The following GIGYF2 variants were observed in gnomAD, a reference collection of about 807,000 sequenced individuals.
The protein encoded by GIGYF2 is GRB10 interacting GYF protein 2, also known as GRB10-interacting GYF protein 2.
GIGYF2 carries 25 observed loss-of-function variants against 208.1 expected under a neutral mutation model. The observed-to-expected ratio is 0.12, with a 90% CI of 0.09 to 0.17. GIGYF2 has a LOEUF of 0.17. GIGYF2 is among the 10% of genes least tolerant of loss of function. GIGYF2 has a pLI of 1.00. For synonymous variants in GIGYF2, 534 were observed against 543.8 expected, an observed-to-expected ratio of 0.98 and a Z score of 0.25; for missense variants, 1,302 against 1,579.4, an observed-to-expected ratio of 0.82 and a Z score of 2.98.
chr2:232,750,480 C>T (rs371987945), intron 5 of GIGYF2, among the ~76,000 whole-genome samples: 2 of 152,088 alleles, frequency 1.3e-5, no homozygotes, highest in Admixed American at 6.5e-5. Context: ...ATATATTTTC[C>T]GCCTTTTAAT....
intron 8 of GIGYF2, among the ~76,000 whole-genome samples, chr2:232,784,961 A>AT (rs1300718032): frequency 6.6e-6 from 1 of 152,044 alleles, no homozygotes; most frequent in Non-Finnish European, 1.5e-5. Flanking sequence ...ACCATGTGAC[A>AT]TACTTGCTCT....
rs562256539 is a variant in GIGYF2 at position 232,859,641 on chromosome 2, T to C, written c.*2781T>C. ...GCTGGGTGGTGGTTCTCCTGGGGTA[T>C]TCTTTGGTTGTGGTCAGATGTCTTC... On this transcript the variant is annotated 3_prime_UTR_variant, in exon 29 of 29. Transcript: ENST00000373563. 1.2e-4 allele frequency: 18 copies of C among 152,266 alleles called. No homozygotes were observed. Among genetic ancestry groups the C allele is most frequent in the South Asian group, 2.1e-4 (1 of 4,806 alleles). 9.4% of individuals were successfully genotyped at this position (152,266 alleles called of 1,614,324 possible).
chr2:232,722,810 C>T (rs1393595739), intron 2 of GIGYF2, among the ~76,000 whole-genome samples: 1 of 152,042 alleles, frequency 6.6e-6, no homozygotes, highest in African/African-American at 2.4e-5. Context: ...AAAAAACAAA[C>T]AAACTCTAGC....
intron 2 of GIGYF2, among the ~76,000 whole-genome samples, chr2:232,730,897 CAAAAAAAAA>C (rs34491260): frequency 0.014 from 702 of 51,618 alleles, 8 homozygotes; most frequent in African/African-American, 0.047. Context: ...GACTCCGTCT[CAAAAAAAAA>C]AAAAAAAAAA....
chr2:232,771,896 G>A (rs575447527), intron 8 of GIGYF2, among the ~76,000 whole-genome samples: 2 of 152,314 alleles, frequency 1.3e-5, no homozygotes, highest in East Asian at 3.9e-4. Flanking sequence ...GCCAGATTTA[G>A]TATAGGACAA....
intron 5 of GIGYF2, among the ~76,000 whole-genome samples, chr2:232,755,385 A>C (rs1401329732): frequency 6.6e-6 from 1 of 151,990 alleles, no homozygotes; most frequent in African/African-American, 2.4e-5. Context: ...TGGCCAGGCT[A>C]GTCTCGAACT....
chr2:232,739,266 GA>G (rs1434110220), intron 3 of GIGYF2, among the ~76,000 whole-genome samples: 1 of 151,284 alleles, frequency 6.6e-6, no homozygotes, highest in Non-Finnish European at 1.5e-5. Flanking sequence ...GCTGAGACAG[GA>G]GAATCGTTTG....
intron 1 of GIGYF2, among the ~76,000 whole-genome samples, chr2:232,700,401 T>G (rs769560716): frequency 6.6e-6 from 1 of 152,262 alleles, no homozygotes; most frequent in Non-Finnish European, 1.5e-5. Flanking sequence ...ATGACACTGT[T>G]GATAGTGATT....
intron 14 of GIGYF2, among the ~76,000 whole-genome samples, chr2:232,800,576 CTTTTCTTT>C (rs1219736795): frequency 7.8e-6 from 1 of 127,880 alleles, no homozygotes; most frequent in East Asian, 2.3e-4. Flanking sequence ...CTTTGTTTTT[CTTTTCTTT>C]TTTTCTTTTT....
intron 28 of GIGYF2, among the ~76,000 whole-genome samples, chr2:232,852,922 A>G (rs1383665842): frequency 6.6e-6 from 1 of 152,092 alleles, no homozygotes; most frequent in Admixed American, 6.6e-5. Context: ...GACTTTAAAA[A>G]CCTCACTATA....
chr2:232,812,727 A>T (rs985638072), intron 18 of GIGYF2, among the ~76,000 whole-genome samples: 3 of 151,910 alleles, frequency 2.0e-5, no homozygotes, highest in Non-Finnish European at 2.9e-5. Context: ...CATCTCTTTT[A>T]TGTTGTTCTG....
intron 22 of GIGYF2, among the ~76,000 whole-genome samples, chr2:232,836,547 C>T (rs1311860058): frequency 4.7e-5 from 6 of 127,918 alleles, no homozygotes; most frequent in Admixed American, 1.7e-4. Context: ...GCCTGGGTGA[C>T]GGAGTGAGAC....
rs761368163 is a variant in GIGYF2 at position 232,844,480 on chromosome 2, A to G, written c.3211A>G (p.Thr1071Ala). ...LVSSIWSNAD[T>A]KNSNMGFWDD... ...CAGTAGTATTTGGAGTAATGCTGAC[A>G]CTAAAAACTCCAACATGGGATTCTG... Residue 1071 changes from threonine to alanine, a missense_variant, in exon 25 of 29, where the codon ACT becomes GCT. Physicochemically the swap from Thr to Ala is moderately conservative, Grantham distance 58. Transcript: ENST00000373563. The G allele has an allele frequency of 6.8e-6, 11 of 1,612,112 alleles. No homozygotes were observed. The highest frequency in any genetic ancestry group is 2.2e-5 in the South Asian group (2 of 91,030).
intron 20 of GIGYF2, among the ~76,000 whole-genome samples, chr2:232,817,355 TAA>T (rs974502771): frequency 6.6e-6 from 1 of 152,216 alleles, no homozygotes; most frequent in Non-Finnish European, 1.5e-5. Context: ...TGTCAAATTT[TAA>T]AAGTTACATG....
chr2:232,809,620 G>T, intron 15 of GIGYF2, 100 bp from the exon 16 acceptor site: 1 of 768,620 alleles, frequency 1.3e-6, no homozygotes, highest in Non-Finnish European at 2.4e-6. Context: ...GGAGGTAAAG[G>T]TCTTAGATTC....
intron 2 of GIGYF2, among the ~76,000 whole-genome samples, chr2:232,704,431 G>A (rs746988269): frequency 1.2e-4 from 18 of 152,240 alleles, no homozygotes; most frequent in Middle Eastern, 3.4e-3. Context: ...TTTAGACAGA[G>A]TCTTGCTCTG....
intron 25 of GIGYF2, among the ~76,000 whole-genome samples, chr2:232,845,320 A>G (rs1171629625): frequency 6.6e-6 from 1 of 152,246 alleles, no homozygotes; most frequent in African/African-American, 2.4e-5. Flanking sequence ...GAATAGAACA[A>G]TAAATTTCTG....
intron 27 of GIGYF2, among the ~76,000 whole-genome samples, chr2:232,847,940 T>A (rs1016777755): frequency 1.3e-5 from 2 of 152,228 alleles, no homozygotes; most frequent in Non-Finnish European, 2.9e-5. Flanking sequence ...CTGACAACAC[T>A]GCAGCATGCC....
At chr2:232,816,375 G>A (rs570968653) in intron 19 of GIGYF2, among the ~76,000 whole-genome samples, 2 of 152,328 alleles carry the variant, frequency 1.3e-5, no homozygotes, top group African/African-American at 2.4e-5. Flanking sequence ...TCTCCTTAGA[G>A]TTCCCAGAAT....
Sources: gnomAD v4.1 joint callset for allele counts (sites outside exome capture counted in the v4.1 genomes callset) on GRCh38, gnomAD v4.1.1 for gene constraint, MANE v1.5 for transcripts, NCBI Gene and HGNC (gene_info 2026-07-23, HGNC 2026-07-21) for gene names.